The following SLC44A5 variants were observed in gnomAD, a reference collection of about 807,000 sequenced individuals.
The protein encoded by SLC44A5 is solute carrier family 44 member 5.
In SLC44A5, 57 loss-of-function variants were observed where a neutral mutation model predicts 101.8. The ratio of observed to expected loss-of-function variants is 0.56; its 90% CI spans 0.45 to 0.70. The LOEUF (loss-of-function observed/expected upper bound fraction) is 0.70, where lower values mean the gene tolerates loss of function less well. Ranked by LOEUF, SLC44A5 falls within the 30% of genes least tolerant of loss-of-function variation. The probability of loss-of-function intolerance (pLI) is 0.00; values close to 1 mark genes in which losing one functional copy is unlikely to be tolerated. For missense variants in SLC44A5, 737 were observed against 853.1 expected (o/e 0.86, Z 1.70); for synonymous variants, 281 against 290.9 (o/e 0.97, Z 0.35).
chr1:75,295,468 C>G (rs1419455798), intron 5 of SLC44A5, among the ~76,000 whole-genome samples: 1 of 152,142 alleles, frequency 6.6e-6, no homozygotes, highest in African/African-American at 2.4e-5. Flanking sequence ...ATCAGATTGA[C>G]TCTGAACTAG....
chr1:75,681,285 C>A, the SLC44A5 span, among the ~76,000 whole-genome samples: 61 of 152,244 alleles, frequency 4.0e-4, no homozygotes, highest in African/African-American at 1.4e-3. Context: ...GATACCAAAG[C>A]CGGGCAGAGA....
intron 23 of SLC44A5, chr1:75,204,940 T>C (rs1390476694): frequency 6.6e-6 from 1 of 152,226 alleles, no homozygotes; most frequent in African/African-American, 2.4e-5. Flanking sequence ...GTCACTATTC[T>C]ACTAGTCCTT....
At chr1:75,659,489 G>GAGGAAGGAAGGAAGGAAGA in the SLC44A5 span, among the ~76,000 whole-genome samples, 1 of 61,416 alleles carries the variant, frequency 1.6e-5, no homozygotes, top group African/African-American at 7.0e-5. Context: ...AGGAAGGAAG[G>GAGGAAGGAAGGAAGGAAGA]AAGGCAGGCA....
chr1:75,650,387 G>A, the SLC44A5 span, among the ~76,000 whole-genome samples: 1 of 152,122 alleles, frequency 6.6e-6, no homozygotes, highest in Non-Finnish European at 1.5e-5. Flanking sequence ...TTTATTTTGG[G>A]AAGGCACAAA....
chr1:75,658,439 C>A, the SLC44A5 span, among the ~76,000 whole-genome samples: 1 of 151,946 alleles, frequency 6.6e-6, no homozygotes, highest in African/African-American at 2.4e-5. Context: ...TTTCTGACCA[C>A]AATTAAATAA....
intron 2 of SLC44A5, among the ~76,000 whole-genome samples, chr1:75,507,268 A>AT (rs1259732469): frequency 6.6e-6 from 1 of 152,012 alleles, no homozygotes; most frequent in East Asian, 1.9e-4. Context: ...AGGATGTTAG[A>AT]TTTTATTTAA....
intron 5 of SLC44A5, among the ~76,000 whole-genome samples, chr1:75,293,348 A>G (rs1363378376): frequency 6.6e-6 from 1 of 152,170 alleles, no homozygotes; most frequent in African/African-American, 2.4e-5. Context: ...CCCTCTGTCA[A>G]GGAGAAAATG....
At chr1:75,424,366 C>G (rs1213895877) in intron 2 of SLC44A5, among the ~76,000 whole-genome samples, 2 of 152,092 alleles carry the variant, frequency 1.3e-5, no homozygotes, top group African/African-American at 4.8e-5. Context: ...AGTGCAGTGG[C>G]ATGATCTCAG....
intron 1 of SLC44A5, among the ~76,000 whole-genome samples, chr1:75,543,618 C>CAT (rs1209353770): frequency 1.4e-5 from 2 of 145,638 alleles, no homozygotes; most frequent in African/African-American, 5.0e-5. Flanking sequence ...TACACACACA[C>CAT]ATATATATAC....
the SLC44A5 span, among the ~76,000 whole-genome samples, chr1:75,655,785 C>A: frequency 1.3e-5 from 2 of 152,016 alleles, no homozygotes; most frequent in African/African-American, 2.4e-5. Flanking sequence ...TCCATACATC[C>A]CTTTGGGCCA....
rs1557614200 is a variant in SLC44A5 at position 75,280,434 on chromosome 1, T to TTATATATTGTATATATAA, written c.176-5393_176-5392insTTATATATACAATATATA. On this transcript the variant is annotated intron_variant, in intron 5 of 23. Coordinates refer to ENST00000370859, the MANE Select transcript of SLC44A5 (RefSeq NM_001130058.2). ...ATATATAATATATATATTGTATATA[T>TTATATATTGTATATATAA]TATATATAGTATATATTATATATAG... is the stretch of plus-strand genomic sequence containing the variant. 2.2e-4 allele frequency among the ~76,000 whole-genome samples: 7 copies of TTATATATTGTATATATAA among 31,998 alleles called. 1 individual carries two copies. The highest frequency in any genetic ancestry group is 4.4e-4 in the Admixed American group (1 of 2,248). 21.0% of individuals were successfully genotyped at this position (31,998 alleles called of 152,430 possible). A position where few individuals can be genotyped will look rare whatever the true frequency, so the allele number is the denominator to read the frequency against.
intron 3 of SLC44A5, among the ~76,000 whole-genome samples, chr1:75,356,583 T>C (rs1390127767): frequency 6.6e-6 from 1 of 152,056 alleles, no homozygotes; most frequent in Non-Finnish European, 1.5e-5. Flanking sequence ...GGTTAATTTA[T>C]TATATATTAT....
chr1:75,365,987 GAT>G (rs1659831483), intron 3 of SLC44A5, among the ~76,000 whole-genome samples: 1 of 152,022 alleles, frequency 6.6e-6, no homozygotes, highest in Non-Finnish European at 1.5e-5. Context: ...CAATATAAAA[GAT>G]ATAACTATTC....
chr1:75,390,913 C>T (rs1661744707), intron 3 of SLC44A5, among the ~76,000 whole-genome samples: 1 of 152,032 alleles, frequency 6.6e-6, no homozygotes, highest in African/African-American at 2.4e-5. Flanking sequence ...TGTCCATCTC[C>T]ACTGAAGATA....
In SLC44A5 at chr1:75,218,671, G is replaced by A. The variant is rs568667229; in HGVS notation, c.1348C>T (p.His450Tyr). Residue 450 changes from histidine to tyrosine, a missense_variant, in exon 17 of 24, where the codon CAT (histidine) becomes TAT (tyrosine). This residue lies in a region of SLC44A5 where 665 missense variants were observed against 764.4 expected (regional missense o/e 0.87). Transcript: ENST00000370859. The part of the protein sequence containing the change: ...FAFYGGKSLY[H>Y]QYIPTFHVYN... Reference sequence around the variant, plus strand: ...ACATGGAAGGTAGGGATGTACTGATGGTACAAGCTCTTTCCACCATAGAAA... The same window carrying A: ...ACATGGAAGGTAGGGATGTACTGATAGTACAAGCTCTTTCCACCATAGAAA... 3.1e-6 allele frequency: 5 copies of A among 1,613,560 alleles called. No individual in the cohort carries two copies. The South Asian group carries it at 3.3e-5, about 11-fold the overall frequency.
chr1:75,321,874 G>C (rs1473253369), intron 4 of SLC44A5, among the ~76,000 whole-genome samples: 4 of 152,178 alleles, frequency 2.6e-5, no homozygotes, highest in Non-Finnish European at 5.9e-5. Context: ...TTCAGAGTAT[G>C]TCAGTTTCAA....
the SLC44A5 span, among the ~76,000 whole-genome samples, chr1:75,670,641 A>G: frequency 6.6e-6 from 1 of 152,224 alleles, no homozygotes; most frequent in Admixed American, 6.5e-5. Flanking sequence ...GGGTAAACCA[A>G]TCTATATATA....
intron 7 of SLC44A5, among the ~76,000 whole-genome samples, chr1:75,247,255 TGA>T (rs1299156558): frequency 1.3e-5 from 2 of 151,862 alleles, no homozygotes; most frequent in South Asian, 2.1e-4. Context: ...AACATGGGTA[TGA>T]GAGAGAGAGA....
chr1:75,290,059 T>G (rs1005823633), intron 5 of SLC44A5, among the ~76,000 whole-genome samples: 14 of 152,214 alleles, frequency 9.2e-5, no homozygotes, highest in Non-Finnish European at 1.8e-4. Flanking sequence ...AAAGTAACCA[T>G]GATAACAGGG....
Sources: allele counts gnomAD v4.1 joint callset (sites outside exome capture counted in the v4.1 genomes callset), GRCh38; gene constraint gnomAD v4.1.1; regional missense constraint gnomAD v4.1.1; transcripts MANE v1.5; gene names NCBI Gene and HGNC (gene_info 2026-07-23, HGNC 2026-07-21).